Variants in USP12 observed in about 807,000 individuals in gnomAD.
USP12 encodes the protein ubiquitin specific peptidase 12, also known as ubiquitin carboxyl-terminal hydrolase 12.
Under a neutral mutation model 45.5 loss-of-function variants are expected in USP12, and 19 were observed. The ratio of observed to expected loss-of-function variants is 0.42; its 90% CI spans 0.29 to 0.61. The LOEUF is 0.61. Ranked by LOEUF, USP12 falls within the 20% of genes least tolerant of loss-of-function variation. The pLI, the probability that USP12 is intolerant of heterozygous loss-of-function variation, is 0.22. For synonymous variants in USP12, 149 were observed against 148.8 expected (o/e 1.00, Z -0.01); for missense variants, 242 against 447.7 (o/e 0.54, Z 4.15).
intron 3 of USP12, among the ~76,000 whole-genome samples, chr13:27,100,754 T>C (rs1360974890): frequency 1.3e-5 from 2 of 152,264 alleles, no homozygotes; most frequent in East Asian, 3.9e-4. Context: ...GTTGAGGGGC[T>C]GAAGAAAAGT....
At position 27,105,960 on chromosome 13, in the gene USP12, A is replaced by T; in HGVS notation, c.130-16T>A. The T allele has an allele frequency of 6.3e-7, 1 of 1,590,978 alleles. No individual in the cohort carries two copies. Among genetic ancestry groups the T allele is most frequent in the Non-Finnish European group, 8.5e-7 (1 of 1,171,788 alleles). On this transcript the variant is annotated splice_polypyrimidine_tract_variant and intron_variant, in intron 2 of 8. Transcript: ENST00000282344. ...TATTCCCAAACTGCAACAGAAAAAAAAAAGTTTTGTTAAATTTAGGGCAAC... is the reference window on the plus strand; with the variant it reads ...TATTCCCAAACTGCAACAGAAAAAATAAAGTTTTGTTAAATTTAGGGCAAC...
At chr13:27,095,474 AC>A (rs1874533212) in intron 4 of USP12, 126 bp downstream of exon 4, 3 of 655,862 alleles carry the variant, frequency 4.6e-6, no homozygotes, top group Non-Finnish European at 4.9e-6. Context: ...ACTGAAAAAT[AC>A]ATCTTTAACT....
At chr13:27,088,314 G>A (rs55775046) in intron 6 of USP12, among the ~76,000 whole-genome samples, 8,051 of 151,788 alleles carry the variant, frequency 0.053, 259 homozygotes, top group Middle Eastern at 0.095. Flanking sequence ...TACTCGGGAG[G>A]CTGAGGCAGG....
chr13:27,113,169 A>G (rs1490334645), intron 2 of USP12, among the ~76,000 whole-genome samples: 1 of 152,120 alleles, frequency 6.6e-6, no homozygotes, highest in African/African-American at 2.4e-5. Flanking sequence ...AAGAAGGTGA[A>G]GCTGCAGTGA....
intron 6 of USP12, among the ~76,000 whole-genome samples, chr13:27,085,548 A>G (rs1231719531): frequency 6.6e-6 from 1 of 152,126 alleles, no homozygotes; most frequent in African/African-American, 2.4e-5. Context: ...TTATCCTATT[A>G]TTCCAAGACG....
At chr13:27,116,732 T>C (rs1875761991) in intron 1 of USP12, 136 bp from the exon 2 acceptor site, 1 of 623,238 alleles carries the variant, frequency 1.6e-6, no homozygotes, top group Non-Finnish European at 2.6e-6. Flanking sequence ...TGCGTCTTTA[T>C]CCTTTACACC....
chr13:27,171,571 C>T, intron 1 of USP12, 21 bp downstream of exon 1: 4 of 1,248,236 alleles, frequency 3.2e-6, no homozygotes, highest in Non-Finnish European at 4.2e-6. Context: ...CAGCCCCGGC[C>T]GCCCGCTCGC....
chr13:27,157,286 C>T (rs1877884293), intron 1 of USP12, among the ~76,000 whole-genome samples: 1 of 152,006 alleles, frequency 6.6e-6, no homozygotes, highest in African/African-American at 2.4e-5. Context: ...ATACATTAAG[C>T]TAAAAAACAG....
chr13:27,120,470 T>G (rs764723822), intron 1 of USP12, among the ~76,000 whole-genome samples: 10 of 152,040 alleles, frequency 6.6e-5, no homozygotes, highest in Non-Finnish European at 1.2e-4. Flanking sequence ...CTGGCCAACA[T>G]GGTGAAACCC....
chr13:27,153,454 A>G (rs1465898430), intron 1 of USP12, among the ~76,000 whole-genome samples: 4 of 152,264 alleles, frequency 2.6e-5, no homozygotes, highest in Admixed American at 1.3e-4. Context: ...TCTAGTTTCA[A>G]ATAGGTTCTA....
intron 1 of USP12, among the ~76,000 whole-genome samples, chr13:27,118,638 A>AT (rs1875849425): frequency 6.6e-6 from 1 of 152,178 alleles, no homozygotes. Context: ...ATTCAAACTG[A>AT]TACTGGCTTA....
At chr13:27,088,529 CT>C (rs749424738) in intron 6 of USP12, among the ~76,000 whole-genome samples, 154 of 151,984 alleles carry the variant, frequency 1.0e-3, no homozygotes, top group Non-Finnish European at 1.3e-3. Flanking sequence ...AAGTGTCTCG[CT>C]GTGCCTAAAT....
chr13:27,170,403 T>C (rs1878536188), intron 1 of USP12: 1 of 398,372 alleles, frequency 2.5e-6, no homozygotes, highest in Admixed American at 4.4e-5. Flanking sequence ...TGAAATCAGT[T>C]GCATAAATAG....
chr13:27,092,774 CAT>C (rs1400769780), intron 4 of USP12, among the ~76,000 whole-genome samples: 2 of 152,208 alleles, frequency 1.3e-5, no homozygotes, highest in African/African-American at 4.8e-5. Context: ...TCCTAGATAA[CAT>C]AGGAGAAATT....
intron 1 of USP12, among the ~76,000 whole-genome samples, chr13:27,142,301 G>C (rs1177327192): frequency 6.6e-6 from 1 of 152,154 alleles, no homozygotes; most frequent in Non-Finnish European, 1.5e-5. Context: ...TCTCAAAAAT[G>C]TCCAAGTCGA....
intron 2 of USP12, among the ~76,000 whole-genome samples, chr13:27,114,588 G>A (rs1470313914): frequency 1.3e-5 from 2 of 152,082 alleles, no homozygotes; most frequent in African/African-American, 4.8e-5. Flanking sequence ...ACAAATTATA[G>A]TGACAGGTAA....
At chr13:27,075,748 G>C (rs1208860668) in intron 6 of USP12, among the ~76,000 whole-genome samples, 1 of 151,840 alleles carries the variant, frequency 6.6e-6, no homozygotes, top group East Asian at 1.9e-4. Context: ...GTAGAGGGAA[G>C]GCCAGGCGCG....
chr13:27,147,795 A>T (rs937857458), intron 1 of USP12, among the ~76,000 whole-genome samples: 4 of 152,194 alleles, frequency 2.6e-5, no homozygotes, highest in Non-Finnish European at 5.9e-5. Flanking sequence ...GTCAACCAAC[A>T]ATGCTGAATC....
At chr13:27,102,726 A>G (rs1213718057) in intron 3 of USP12, among the ~76,000 whole-genome samples, 1 of 152,122 alleles carries the variant, frequency 6.6e-6, no homozygotes, top group Non-Finnish European at 1.5e-5. Context: ...CCCCTTTCCC[A>G]GTCTTCTTTT....
Sources: allele counts gnomAD v4.1 joint callset (sites outside exome capture counted in the v4.1 genomes callset), GRCh38; gene constraint gnomAD v4.1.1; transcripts MANE v1.5; gene names NCBI Gene and HGNC (gene_info 2026-07-23, HGNC 2026-07-21).